The following PRKAG2 variants were observed in gnomAD, a reference collection of about 807,000 sequenced individuals.
PRKAG2 encodes the protein 5'-AMP-activated protein kinase subunit gamma-2.
PRKAG2 carries 26 observed loss-of-function variants against 69.6 expected under a neutral mutation model. That is an observed-to-expected ratio of 0.37 (90% CI 0.27 to 0.52). The LOEUF is 0.52. PRKAG2 is among the 20% of genes least tolerant of loss of function. The pLI, the probability that PRKAG2 is intolerant of heterozygous loss-of-function variation, is 0.90. For missense variants in PRKAG2, 557 were observed against 740.0 expected (o/e 0.75, Z 2.87); for synonymous variants, 293 against 285.0 (o/e 1.03, Z -0.28).
At chr7:151,659,322 T>A (rs140738719) in intron 4 of PRKAG2, among the ~76,000 whole-genome samples, 1 of 152,282 alleles carries the variant, frequency 6.6e-6, no homozygotes, top group African/African-American at 2.4e-5. Context: ...CTCAGAAAAA[T>A]AGAAAATTGA....
chr7:151,737,356 AAGAG>A (rs77222935), intron 3 of PRKAG2, among the ~76,000 whole-genome samples: 2 of 151,494 alleles, frequency 1.3e-5, no homozygotes, highest in African/African-American at 4.9e-5. Flanking sequence ...AAAAAAAAAA[AAGAG>A]AGATTTAGCC....
chr7:151,600,262 G>T (rs895183172), intron 5 of PRKAG2, among the ~76,000 whole-genome samples: 1 of 152,158 alleles, frequency 6.6e-6, no homozygotes, highest in Non-Finnish European at 1.5e-5. Flanking sequence ...AGCCCACACC[G>T]ATCTGTGCAT....
chr7:151,782,255 C>T (rs1047391275), intron 2 of PRKAG2, among the ~76,000 whole-genome samples: 1 of 150,662 alleles, frequency 6.6e-6, no homozygotes, highest in Non-Finnish European at 1.5e-5. Context: ...TGCACTCCAG[C>T]CTGGGCAACA....
chr7:151,834,899 C>A (rs986098996), intron 1 of PRKAG2, among the ~76,000 whole-genome samples: 1 of 152,220 alleles, frequency 6.6e-6, no homozygotes, highest in Non-Finnish European at 1.5e-5. Flanking sequence ...TCTGTCCAGG[C>A]CTTTCTGCCA....
At chr7:151,702,364 A>G (rs957030792) in intron 3 of PRKAG2, among the ~76,000 whole-genome samples, 7 of 152,282 alleles carry the variant, frequency 4.6e-5, no homozygotes, top group Admixed American at 3.9e-4. Context: ...CTTCCCTGAC[A>G]TGAGAAAGTC....
At chr7:151,723,293 C>T (rs1005681260) in intron 3 of PRKAG2, among the ~76,000 whole-genome samples, 1 of 152,136 alleles carries the variant, frequency 6.6e-6, no homozygotes, top group African/African-American at 2.4e-5. Context: ...CAAGGGGACC[C>T]AGCCTCCCCC....
At chr7:151,747,563 A>AAACC (rs111968866) in intron 3 of PRKAG2, among the ~76,000 whole-genome samples, 81,391 of 151,066 alleles carry the variant, frequency 0.54, 22,151 homozygotes, top group African/African-American at 0.62. Flanking sequence ...TCTCAAAAAA[A>AAACC]AACCAACCAA....
At chr7:151,593,886 T>C (rs1813811018) in intron 6 of PRKAG2, among the ~76,000 whole-genome samples, 1 of 152,008 alleles carries the variant, frequency 6.6e-6, no homozygotes. Context: ...AATTGGAAAA[T>C]GAAATTAAAC....
chr7:151,787,552 A>G (rs924886709), intron 1 of PRKAG2, among the ~76,000 whole-genome samples: 1 of 152,178 alleles, frequency 6.6e-6, no homozygotes, highest in African/African-American at 2.4e-5. Flanking sequence ...TTGAAGGCTG[A>G]ATAATATTCC....
chr7:151,766,459 G>C (rs1185270318), intron 3 of PRKAG2, among the ~76,000 whole-genome samples: 2 of 152,190 alleles, frequency 1.3e-5, no homozygotes, highest in South Asian at 4.1e-4. Context: ...CAACAGACAT[G>C]TTCATCTCAC....
Position 151,564,331 on chromosome 7 carries a change from T to C in PRKAG2, c.1438-107A>G, listed in dbSNP as rs1805737362. The C allele has an allele frequency of 2.4e-6, 3 of 1,256,266 alleles. No homozygotes were observed. In the Admixed American group the frequency reaches 5.1e-5, roughly 21 times the overall value. The allele number at this position is 1,256,266 out of a possible 1,614,324, so 77.8% of individuals were successfully genotyped here. ...TGATTTCTAAAAACTTTAATGCTTA[T>C]CTGAATTTAGTACCTGCATACATCA... On this transcript the variant is annotated intron_variant, in intron 13 of 15. Transcript: ENST00000287878.
chr7:151,726,059 AG>A (rs1448224280), intron 3 of PRKAG2, among the ~76,000 whole-genome samples: 1 of 152,170 alleles, frequency 6.6e-6, no homozygotes, highest in African/African-American at 2.4e-5. Context: ...GGAAGCAGGC[AG>A]CCTCAGAGAT....
At chr7:151,734,299 CAA>C (rs1474940462) in intron 3 of PRKAG2, 1 of 152,158 alleles carries the variant, frequency 6.6e-6, no homozygotes, top group African/African-American at 2.4e-5. Context: ...GACATTTTGC[CAA>C]AGTCACCTCC....
rs1350671813 is a variant in PRKAG2, at chr7:151,771,280, A to G, written c.466+9872T>C. ...TTGGCATTTTAAAATAAAACATTATATCACTTCTATCAGCACCACGTTTCT... is the reference window on the plus strand; with the variant it reads ...TTGGCATTTTAAAATAAAACATTATGTCACTTCTATCAGCACCACGTTTCT... On this transcript the variant is annotated intron_variant, in intron 3 of 15. Coordinates refer to ENST00000287878, the MANE Select transcript of PRKAG2 (RefSeq NM_016203.4). This position sits in a 1 kb window ranked among gnomAD's most constrained non-coding sequence, Gnocchi z 4.0. Among the ~76,000 whole-genome samples the G allele has an allele frequency of 3.3e-5, 5 of 152,220 alleles. No homozygotes were observed. Among genetic ancestry groups the G allele is most frequent in the African/African-American group, 1.2e-4 (5 of 41,456 alleles).
At chr7:151,600,532 T>C (rs951104200) in intron 5 of PRKAG2, among the ~76,000 whole-genome samples, 8 of 152,056 alleles carry the variant, frequency 5.3e-5, no homozygotes, top group Admixed American at 2.0e-4. Context: ...TAATGCAGAG[T>C]TTTGTCACTG....
chr7:151,564,260 A>T (rs776351912), intron 13 of PRKAG2, 36 bp from the exon 14 acceptor site: 2 of 1,612,180 alleles, frequency 1.2e-6, no homozygotes, highest in Admixed American at 3.3e-5. Context: ...ATATCCTTTC[A>T]TTTCAGTTCA....
In PRKAG2 at chr7:151,632,384, G is replaced by C; in HGVS notation, c.685-246C>G. On this transcript the variant is annotated intron_variant, in intron 4 of 15. Transcript: ENST00000287878. This position sits in a 1 kb window ranked among gnomAD's most constrained non-coding sequence, Gnocchi z 4.2. The stretch of plus-strand genomic sequence containing the variant: ...GCGTGCCCCTCCGCGAGTGGGACGC[G>C]CCGCTCCCCCCCGCGCCTTGGTACG... The C allele has an allele frequency of 2.1e-6, 1 of 469,682 alleles. No individual in the cohort carries two copies. The highest frequency in any genetic ancestry group is 9.0e-5 in the South Asian group (1 of 11,108). The allele number at this position is 469,682 out of a possible 1,614,324, so 29.1% of individuals were successfully genotyped here. A position where few individuals can be genotyped will look rare whatever the true frequency, so the allele number is the denominator to read the frequency against.
chr7:151,799,038 C>G (rs2077693552), intron 1 of PRKAG2, among the ~76,000 whole-genome samples: 1 of 152,210 alleles, frequency 6.6e-6, no homozygotes, highest in East Asian at 1.9e-4. Context: ...CCCCAGCCCC[C>G]TGCCGAGCGG....
intron 10 of PRKAG2, among the ~76,000 whole-genome samples, chr7:151,569,525 G>T (rs1807065326): frequency 6.6e-6 from 1 of 152,204 alleles, no homozygotes; most frequent in South Asian, 2.1e-4. Flanking sequence ...GATATTGCAG[G>T]GCCAACATTT....
Sources: allele counts gnomAD v4.1 joint callset (sites outside exome capture counted in the v4.1 genomes callset), GRCh38; gene constraint gnomAD v4.1.1; non-coding constraint Gnocchi (gnomAD v3.1); transcripts MANE v1.5; gene names NCBI Gene and HGNC (gene_info 2026-07-23, HGNC 2026-07-21).